Variants in NDUFA12 observed in about 807,000 individuals in gnomAD.
NDUFA12 encodes NADH:ubiquinone oxidoreductase subunit A12.
Under a neutral mutation model 20.3 loss-of-function variants are expected in NDUFA12, and 17 were observed. The observed-to-expected ratio is 0.84, with a 90% confidence interval of 0.57 to 1.26. The LOEUF is 1.26. Ranked by LOEUF, NDUFA12 falls within the 50% of genes most tolerant of loss-of-function variation. The probability of loss-of-function intolerance (pLI) is 0.00; values close to 1 mark genes in which losing one functional copy is unlikely to be tolerated. For missense variants in NDUFA12, 191 were observed against 183.7 expected (o/e 1.04, Z -0.23); for synonymous variants, 72 against 63.6 (o/e 1.13, Z -0.63).
intron 3 of NDUFA12, among the ~76,000 whole-genome samples, chr12:94,993,751 A>G: frequency 6.7e-6 from 1 of 149,576 alleles, no homozygotes; most frequent in East Asian, 2.0e-4. Flanking sequence ...CCTGGCCAAC[A>G]CAGTGAAAAC....
chr12:94,975,689 TAAAG>T (rs1053511466), intron 3 of NDUFA12, among the ~76,000 whole-genome samples: 1 of 152,042 alleles, frequency 6.6e-6, no homozygotes, highest in Non-Finnish European at 1.5e-5. Flanking sequence ...AAACCAAAAA[TAAAG>T]GGAATAGCTC....
chr12:94,991,052 G>A (rs1874624163), intron 3 of NDUFA12, among the ~76,000 whole-genome samples: 1 of 152,106 alleles, frequency 6.6e-6, no homozygotes, highest in Non-Finnish European at 1.5e-5. Context: ...GGGAGGCAGA[G>A]GTTGGCGAAT....
intron 3 of NDUFA12, among the ~76,000 whole-genome samples, chr12:94,993,489 G>C (rs1292202119): frequency 6.6e-6 from 1 of 150,850 alleles, no homozygotes; most frequent in Non-Finnish European, 1.5e-5. Flanking sequence ...GCCAGGCGTG[G>C]TAGCATGAGC....
intron 2 of NDUFA12, among the ~76,000 whole-genome samples, chr12:94,995,406 C>G (rs1380174747): frequency 1.3e-5 from 2 of 152,156 alleles, no homozygotes; most frequent in Non-Finnish European, 2.9e-5. Flanking sequence ...CCTGACAATA[C>G]AGTTAGGCTA....
At chr12:95,001,949 C>T (rs906145629) in intron 2 of NDUFA12, among the ~76,000 whole-genome samples, 2 of 151,910 alleles carry the variant, frequency 1.3e-5, no homozygotes, top group Non-Finnish European at 2.9e-5. Flanking sequence ...GTGATCCGCC[C>T]GCCTCCGCCT....
chr12:94,973,410 G>A (rs1347162110), intron 3 of NDUFA12, among the ~76,000 whole-genome samples: 2 of 152,210 alleles, frequency 1.3e-5, no homozygotes, highest in African/African-American at 4.8e-5. Context: ...AAGCCCTTAT[G>A]AGACGATAGT....
At chr12:94,975,712 T>C (rs1008957854) in intron 3 of NDUFA12, among the ~76,000 whole-genome samples, 9 of 152,180 alleles carry the variant, frequency 5.9e-5, no homozygotes, top group African/African-American at 1.9e-4. Context: ...TCATGGCATA[T>C]CCATATGATG....
At chr12:94,971,723 A>G in intron 3 of NDUFA12, 103 bp from the exon 4 acceptor site, 2 of 1,268,776 alleles carry the variant, frequency 1.6e-6, no homozygotes, top group Non-Finnish European at 2.3e-6. Flanking sequence ...GCTTGGGTTC[A>G]AGCCTCAACT....
intron 3 of NDUFA12, among the ~76,000 whole-genome samples, chr12:94,982,431 G>C (rs892072827): frequency 6.6e-6 from 1 of 151,996 alleles, no homozygotes; most frequent in African/African-American, 2.4e-5. Flanking sequence ...CCGCCACTAG[G>C]CCCGGCTAAT....
intron 3 of NDUFA12, among the ~76,000 whole-genome samples, chr12:94,982,180 G>A (rs1874262995): frequency 6.6e-6 from 1 of 152,192 alleles, no homozygotes; most frequent in African/African-American, 2.4e-5. Flanking sequence ...TGCCAGCTGG[G>A]CAGCATCAGA....
At chr12:94,974,478 G>A (rs890104593) in intron 3 of NDUFA12, among the ~76,000 whole-genome samples, 25 of 152,276 alleles carry the variant, frequency 1.6e-4, no homozygotes, top group Admixed American at 1.4e-3. Flanking sequence ...ATATGATTCA[G>A]CAATGATGCT....
chr12:94,983,915 G>A (rs1217167987), intron 3 of NDUFA12, among the ~76,000 whole-genome samples: 1 of 150,810 alleles, frequency 6.6e-6, no homozygotes, highest in Non-Finnish European at 1.5e-5. Context: ...ATGTGAGGGA[G>A]GGTGTTGCGG....
At chr12:94,991,898 A>G (rs947881306) in intron 3 of NDUFA12, among the ~76,000 whole-genome samples, 4 of 152,152 alleles carry the variant, frequency 2.6e-5, no homozygotes, top group African/African-American at 7.2e-5. Flanking sequence ...AGTTCACTGC[A>G]GTCTCCACTA....
At chr12:94,989,209 ATAT>A (rs1359536943) in intron 3 of NDUFA12, among the ~76,000 whole-genome samples, 2 of 152,280 alleles carry the variant, frequency 1.3e-5, no homozygotes, top group East Asian at 3.9e-4. Context: ...GCCCAGCTTC[ATAT>A]TATCTTCCTT....
At chr12:94,985,012 G>GATAAA (rs1327187233) in intron 3 of NDUFA12, among the ~76,000 whole-genome samples, 60,040 of 147,176 alleles carry the variant, frequency 0.41, 12,929 homozygotes, top group East Asian at 0.58. Context: ...CATAAAATAA[G>GATAAA]ATAAAATAAA....
chr12:94,983,690 C>T (rs554666504), intron 3 of NDUFA12, among the ~76,000 whole-genome samples: 5 of 152,148 alleles, frequency 3.3e-5, no homozygotes, highest in Non-Finnish European at 7.3e-5. Flanking sequence ...ACAACTAATA[C>T]GATCCCAAAT....
At chr12:94,974,385 A>G (rs545262644) in intron 3 of NDUFA12, among the ~76,000 whole-genome samples, 212 of 152,308 alleles carry the variant, frequency 1.4e-3, no homozygotes, top group Non-Finnish European at 1.8e-3. Flanking sequence ...GAACCCTCAA[A>G]CACGTTGGTG....
intron 3 of NDUFA12, among the ~76,000 whole-genome samples, chr12:94,977,947 T>C (rs1874111121): frequency 6.6e-6 from 1 of 152,268 alleles, no homozygotes; most frequent in Non-Finnish European, 1.5e-5. Flanking sequence ...AGATGGGCAC[T>C]TGAATAAAGT....
chr12:94,998,297 C>A (rs1277540207), intron 2 of NDUFA12, among the ~76,000 whole-genome samples: 2 of 151,988 alleles, frequency 1.3e-5, no homozygotes, highest in East Asian at 1.9e-4. Flanking sequence ...ATGATAAAAA[C>A]CCTCAACAAA....
Sources: gnomAD v4.1 joint callset for allele counts (sites outside exome capture counted in the v4.1 genomes callset) on GRCh38, gnomAD v4.1.1 for gene constraint, MANE v1.5 for transcripts, NCBI Gene and HGNC (gene_info 2026-07-23, HGNC 2026-07-21) for gene names.